Variants in MAU2 observed in about 807,000 individuals in gnomAD.
MAU2 encodes the protein MAU2 sister chromatid cohesion factor.
In MAU2, 9 loss-of-function variants were observed where a neutral mutation model predicts 89.1. That is an observed-to-expected ratio of 0.10 (90% CI 0.06 to 0.18). The LOEUF (loss-of-function observed/expected upper bound fraction) is 0.18. MAU2 is among the 10% of genes least tolerant of loss of function. MAU2 has a pLI of 1.00. For synonymous variants in MAU2, 357 were observed against 343.4 expected (o/e 1.04, Z -0.44); for missense variants, 425 against 803.5 (o/e 0.53, Z 5.69).
At chr19:19,340,366 G>A (rs2061633324) in intron 5 of MAU2, among the ~76,000 whole-genome samples, 2 of 151,200 alleles carry the variant, frequency 1.3e-5, no homozygotes, top group East Asian at 2.0e-4. Context: ...CAGGCCGGGC[G>A]CGGTGGCTCA....
rs773741813 is a variant in MAU2 at position 19,342,612 on chromosome 19, C to T, written c.813C>T (p.Ile271=). The T allele has an allele frequency of 2.5e-6, 4 of 1,613,292 alleles. No homozygotes were observed. In the Admixed American group the frequency reaches 5.0e-5, roughly 20 times the overall value. Residue 271 remains isoleucine (I), a synonymous_variant, in exon 8 of 19, where the codon ATC becomes ATT. Coordinates refer to ENST00000262815, the MANE Select transcript of MAU2 (RefSeq NM_015329.4). The part of the protein sequence containing the change: ...QTISTLHDDE[I]LPSNPADLFH... ...TCTCCACACTGCACGATGATGAGAT[C>T]CTGCCCAGCAACCCCGCTGACCTCT...
chr19:19,349,037 C>A, intron 14 of MAU2, 99 bp downstream of exon 14: 1 of 1,555,694 alleles, frequency 6.4e-7, no homozygotes, highest in Non-Finnish European at 8.8e-7. Flanking sequence ...CCCCATACCC[C>A]TCCTCACAGA....
At chr19:19,340,978 C>T in intron 6 of MAU2, 105 bp downstream of exon 6, 1 of 1,471,308 alleles carries the variant, frequency 6.8e-7, no homozygotes, top group Non-Finnish European at 9.3e-7. Context: ...GGCATGGCCC[C>T]TTAGGCGCCC....
chr19:19,329,024 T>TGGTCAGATACTTA, intron 1 of MAU2: 1 of 456,074 alleles, frequency 2.2e-6, no homozygotes, highest in Non-Finnish European at 4.4e-6. Context: ...CAGACTGTGC[T>TGGTCAGATACTTA]GGTCAGATAC....
Position 19,355,694 on chromosome 19 carries a change from T to C in MAU2, c.1768-14T>C, listed in dbSNP as rs899210931. The stretch of plus-strand genomic sequence containing the variant: ...TCCACAGTGCCTCACTCGCATGTCC[T>C]CTCCTCCCCACAGTGGACAGACGGT... On this transcript the variant is annotated splice_polypyrimidine_tract_variant and intron_variant, in intron 18 of 18. Transcript: ENST00000262815. 6.2e-7 allele frequency: 1 copy of C among 1,603,442 alleles called. No homozygotes were observed. The highest frequency in any genetic ancestry group is 1.7e-4 in the Middle Eastern group (1 of 6,020).
Position 19,347,311 on chromosome 19 carries a change from T to C in MAU2, c.1253T>C (p.Ile418Thr), listed in dbSNP as rs1230299966. The change falls in exon 13 of 19, where the codon ATC (isoleucine) becomes ACC (threonine). Residue 418 changes from isoleucine to threonine, a missense_variant. By Grantham distance (89) the Ile-to-Thr change is moderately conservative. This residue lies in a region of MAU2 where 66 missense variants were observed against 129.1 expected (regional missense o/e 0.51). Transcript: ENST00000262815. ...AACCACCAGGAGCTGTGGGCCTTCA[T>C]CGTCACCAACCTGGCGAGTGTGTAT... ...LTNHQELWAF[I>T]VTNLASVYIR... 1.9e-6 allele frequency: 3 copies of C among 1,613,884 alleles called. No homozygotes were observed. Among genetic ancestry groups the C allele is most frequent in the Non-Finnish European group, 2.5e-6 (3 of 1,179,956 alleles).
Position 19,356,318 on chromosome 19 carries a change from T to G in MAU2, c.*536T>G. 1 of 332,662 alleles carries G rather than the reference T, an allele frequency of 3.0e-6. No individual in the cohort carries two copies. Among genetic ancestry groups the G allele is most frequent in the South Asian group, 2.3e-5 (1 of 42,844 alleles). The allele number at this position is 332,662 out of a possible 1,614,324, so 20.6% of individuals were successfully genotyped here. On this transcript the variant is annotated 3_prime_UTR_variant, in exon 19 of 19. Coordinates refer to ENST00000262815, the MANE Select transcript of MAU2 (RefSeq NM_015329.4). ...CACAGATCCCAGCACTTTTCCCAGC[T>G]TTCTCTCCAGCATCAGTCCCTGCAG... is the stretch of plus-strand genomic sequence containing the variant.
chr19:19,328,382 T>C (rs2061528583), intron 1 of MAU2, among the ~76,000 whole-genome samples: 1 of 151,924 alleles, frequency 6.6e-6, no homozygotes, highest in Non-Finnish European at 1.5e-5. Flanking sequence ...CATCTGCTGT[T>C]GAATCAAGAG....
chr19:19,344,633 G>T, intron 10 of MAU2: 1 of 597,522 alleles, frequency 1.7e-6, no homozygotes, highest in East Asian at 2.8e-5. Context: ...CTGTTGGACA[G>T]AGTGGAAGAG....
intron 12 of MAU2, among the ~76,000 whole-genome samples, chr19:19,346,032 G>A (rs1248408959): frequency 6.6e-6 from 1 of 152,176 alleles, no homozygotes; most frequent in Non-Finnish European, 1.5e-5. Flanking sequence ...AGCAGAGGCT[G>A]CTCTGTCTGC....
intron 14 of MAU2, 103 bp from the exon 15 acceptor site, chr19:19,349,052 C>G (rs2061719772): frequency 6.4e-7 from 1 of 1,556,336 alleles, no homozygotes; most frequent in African/African-American, 1.4e-5. Context: ...CACAGACAGT[C>G]TGCAGTGGGG....
rs1378311673 is a variant in MAU2 at position 19,343,826 on chromosome 19, C to G, written c.974-11C>G. ...CTCCCCTGCATGCTTACCCCTGACT[C>G]TCACCCATAGTGCTGGACTGCAGCC... is the stretch of plus-strand genomic sequence containing the variant. On this transcript the variant is annotated splice_polypyrimidine_tract_variant and intron_variant, in intron 9 of 18. Transcript: ENST00000262815. 2.5e-6 allele frequency: 4 copies of G among 1,607,898 alleles called. No individual in the cohort carries two copies. Among genetic ancestry groups the G allele is most frequent in the East Asian group, 4.5e-5 (2 of 44,826 alleles).
At chr19:19,332,212 G>A (rs1231421809) in intron 1 of MAU2, among the ~76,000 whole-genome samples, 1 of 151,918 alleles carries the variant, frequency 6.6e-6, no homozygotes, top group African/African-American at 2.4e-5. Flanking sequence ...CCAGGCTGGA[G>A]TGCAACAGCA....
At chr19:19,334,716 C>A in intron 1 of MAU2, 1 of 562,814 alleles carries the variant, frequency 1.8e-6, no homozygotes, top group Non-Finnish European at 2.3e-6. Flanking sequence ...GACCATCGGG[C>A]TTCAGCCTCA....
intron 1 of MAU2, among the ~76,000 whole-genome samples, chr19:19,330,259 C>T (rs1266686942): frequency 2.0e-5 from 3 of 151,512 alleles, no homozygotes; most frequent in South Asian, 2.1e-4. Flanking sequence ...GGATTACAGG[C>T]GTGAGCCATT....
intron 1 of MAU2, chr19:19,328,944 G>A: frequency 4.7e-6 from 2 of 421,458 alleles, no homozygotes; most frequent in South Asian, 3.3e-5. Context: ...TGCCATGCGT[G>A]CTTTCTCTGT....
chr19:19,322,055 TG>T (rs1347949214), intron 1 of MAU2, among the ~76,000 whole-genome samples: 11 of 151,272 alleles, frequency 7.3e-5, no homozygotes, highest in African/African-American at 2.7e-4. Flanking sequence ...TGGAGTGCAG[TG>T]GTGCCATCTT....
intron 12 of MAU2, chr19:19,346,983 T>G: frequency 2.9e-6 from 1 of 349,924 alleles, no homozygotes; most frequent in Non-Finnish European, 5.3e-6. Context: ...CAGGTCTCAG[T>G]CCTGAGAGAC....
intron 1 of MAU2, among the ~76,000 whole-genome samples, chr19:19,322,921 G>C (rs1160166564): frequency 6.6e-6 from 1 of 151,874 alleles, no homozygotes; most frequent in African/African-American, 2.4e-5. Context: ...ACGGAGTTTC[G>C]CTCTTGTTGC....
Sources: allele counts gnomAD v4.1 joint callset (sites outside exome capture counted in the v4.1 genomes callset), GRCh38; gene constraint gnomAD v4.1.1; regional missense constraint gnomAD v4.1.1; transcripts MANE v1.5; gene names NCBI Gene and HGNC (gene_info 2026-07-23, HGNC 2026-07-21).